The following IVD variants were observed in gnomAD, a reference collection of about 807,000 sequenced individuals.
IVD encodes isovaleryl-CoA dehydrogenase, mitochondrial.
Under a neutral mutation model 51.3 loss-of-function variants are expected in IVD, and 31 were observed. The observed-to-expected ratio is 0.60, with a 90% CI of 0.45 to 0.81. IVD has a LOEUF of 0.81. Ranked by LOEUF, IVD falls within the 40% of genes least tolerant of loss-of-function variation. The pLI, the probability that IVD is intolerant of heterozygous loss-of-function variation, is 0.00. For missense variants in IVD, 475 were observed against 552.0 expected, an observed-to-expected ratio of 0.86 and a Z score of 1.40; for synonymous variants, 205 against 219.4, an observed-to-expected ratio of 0.93 and a Z score of 0.58.
chr15:40,410,873 G>A (rs1317520576), intron 4 of IVD, 76 bp downstream of exon 4: 5 of 1,541,474 alleles, frequency 3.2e-6, no homozygotes, highest in Non-Finnish European at 4.4e-6. Flanking sequence ...TCCCCTTGGG[G>A]GCCAGTCAGA....
downstream of IVD, among the ~76,000 whole-genome samples, chr15:40,421,778 G>A (rs1270925021): frequency 1.3e-5 from 2 of 152,214 alleles, no homozygotes; most frequent in Non-Finnish European, 2.9e-5. Flanking sequence ...TCAAGTCTGA[G>A]ATCCTTGATC....
At chr15:40,406,788 G>A (rs369590950) in intron 1 of IVD, among the ~76,000 whole-genome samples, 3 of 152,238 alleles carry the variant, frequency 2.0e-5, no homozygotes, top group South Asian at 2.1e-4. Context: ...CAGAGCTTCC[G>A]TGAACCACCT....
At chr15:40,429,252 C>T (rs1892838452), downstream of IVD, among the ~76,000 whole-genome samples, 1 of 152,168 alleles carries the variant, frequency 6.6e-6, no homozygotes, top group Admixed American at 6.5e-5. Flanking sequence ...CCCCAGCTGG[C>T]ACACCCCAGG....
Position 40,407,700 on chromosome 15 carries a change from G to A in IVD, c.209G>A (p.Arg70His), listed in dbSNP as rs529886241. 17 of 1,614,170 alleles carry A rather than the reference G, an allele frequency of 1.1e-5. No individual in the cohort carries two copies. Among genetic ancestry groups the A allele is most frequent in the South Asian group, 4.4e-5 (4 of 91,074 alleles). Reference protein sequence around the residue: ...HLAPKAQEIDRSNEFKNLREF... With the variant: ...HLAPKAQEIDHSNEFKNLREF... ...GCCCCCAAGGCCCAGGAGATCGATC[G>A]CAGCAATGAGTTCAAGAACCTGCGA... is the stretch of plus-strand genomic sequence containing the variant. Residue 70 changes from arginine to histidine, a missense_variant, in exon 2 of 12, where the codon CGC (arginine) becomes CAC (histidine). Physicochemically the swap from Arg to His is conservative, Grantham distance 29. Coordinates refer to ENST00000487418, the MANE Select transcript of IVD (RefSeq NM_002225.5).
intron 3 of IVD, 67 bp downstream of exon 3, chr15:40,408,057 A>AG: frequency 6.9e-7 from 1 of 1,445,532 alleles, no homozygotes; most frequent in Non-Finnish European, 9.7e-7. Context: ...TCCCAAAAGA[A>AG]GCAGGAAGGG....
intron 7 of IVD, among the ~76,000 whole-genome samples, chr15:40,430,065 C>T (rs532944971): frequency 4.3e-4 from 65 of 152,336 alleles, no homozygotes; most frequent in African/African-American, 1.5e-3. Context: ...GAGGCAGAGC[C>T]TGGCACGCAG....
chr15:40,408,190 G>A (rs995405254), intron 3 of IVD, among the ~76,000 whole-genome samples, 200 bp downstream of exon 3: 1 of 152,222 alleles, frequency 6.6e-6, no homozygotes, highest in Non-Finnish European at 1.5e-5. Context: ...ATGTAGAGAA[G>A]GCAGAGGGAT....
chr15:40,422,306 C>T (rs972449443), downstream of IVD, among the ~76,000 whole-genome samples: 28 of 151,570 alleles, frequency 1.8e-4, no homozygotes, highest in South Asian at 4.2e-4. Flanking sequence ...TTTTTTGAGA[C>T]GGAGTCTCGC....
At chr15:40,418,012 C>T in intron 11 of IVD, 118 bp from the exon 12 acceptor site, 3 of 1,449,036 alleles carry the variant, frequency 2.1e-6, no homozygotes, top group Non-Finnish European at 2.8e-6. Flanking sequence ...CTACCTTTTG[C>T]TGCTTTTCTT....
chr15:40,419,134 A>C lies in IVD; in HGVS notation c.*871A>C. ...CTGGGCGACAAGAGCAAAACTCTTC[A>C]AAAAACAAAACAAAACAAAAAAACC... On this transcript the variant is annotated 3_prime_UTR_variant, in exon 12 of 12. Coordinates refer to ENST00000487418, the MANE Select transcript of IVD (RefSeq NM_002225.5). The C allele has an allele frequency of 3.9e-6, 5 of 1,288,778 alleles. No homozygotes were observed. The highest frequency in any genetic ancestry group is 5.1e-6 in the Non-Finnish European group (5 of 988,596). 79.8% of individuals were successfully genotyped at this position (1,288,778 alleles called of 1,614,324 possible).
At chr15:40,424,030 C>G, downstream of IVD, 3 of 565,010 alleles carry the variant, frequency 5.3e-6, no homozygotes, top group Non-Finnish European at 7.9e-6. Context: ...CAGAATTTGG[C>G]CTCTTTCCCT....
chr15:40,420,553 T>C lies in IVD; in HGVS notation c.*2290T>C. Reference sequence around the variant, plus strand: ...GTCCTATTCCTGTCCTCCAGCCCGTTCTTTCATGAGGGACAGGAAGGTAAA... The same window carrying C: ...GTCCTATTCCTGTCCTCCAGCCCGTCCTTTCATGAGGGACAGGAAGGTAAA... On this transcript the variant is annotated 3_prime_UTR_variant, in exon 12 of 12. Transcript: ENST00000487418. The C allele has an allele frequency of 1.0e-6, 1 of 987,578 alleles. No homozygotes were observed. The highest frequency in any genetic ancestry group is 1.2e-6 in the Non-Finnish European group (1 of 830,090). 61.2% of individuals were successfully genotyped at this position (987,578 alleles called of 1,614,324 possible). A position where few individuals can be genotyped will look rare whatever the true frequency, so the allele number is the denominator to read the frequency against.
intron 1 of IVD, chr15:40,406,258 G>C (rs1463524712): frequency 6.8e-7 from 1 of 1,468,840 alleles, no homozygotes; most frequent in Non-Finnish European, 9.0e-7. Flanking sequence ...GAGACTGATG[G>C]TGTTTTGGTG....
chr15:40,408,748 C>T (rs1468277060), intron 3 of IVD, among the ~76,000 whole-genome samples: 3 of 152,078 alleles, frequency 2.0e-5, no homozygotes, highest in African/African-American at 4.8e-5. Flanking sequence ...GTCGTGAGTT[C>T]GAGACCAGCC....
Position 40,418,522 on chromosome 15 carries a change from C to G in IVD, c.*259C>G. 7.7e-7 allele frequency: 1 copy of G among 1,298,852 alleles called. No homozygotes were observed. Among genetic ancestry groups the G allele is most frequent in the African/African-American group, 1.5e-5 (1 of 66,226 alleles). 80.5% of individuals were successfully genotyped at this position (1,298,852 alleles called of 1,614,324 possible). ...GCATATTGTCTGGGGATTGTTGGGA[C>G]AGGTTTTGGTGACTCTGTGCCCTTG... On this transcript the variant is annotated 3_prime_UTR_variant, in exon 12 of 12. Transcript: ENST00000487418.
At position 40,416,074 on chromosome 15, in the gene IVD, C is replaced by T; in HGVS notation, c.961-4C>T. 6.2e-7 allele frequency: 1 copy of T among 1,614,060 alleles called. No individual in the cohort carries two copies. The highest frequency in any genetic ancestry group is 1.6e-4 in the Middle Eastern group (1 of 6,062). ...GTTGACCTGTGACATCCCTTTGTGC[C>T]CAGTTGATGCAGGGGAAGATGGCTG... On this transcript the variant is annotated splice_polypyrimidine_tract_variant and splice_region_variant and intron_variant, in intron 9 of 11. Coordinates refer to ENST00000487418, the MANE Select transcript of IVD (RefSeq NM_002225.5).
chr15:40,434,892 C>T (rs1893182337), intron 8 of IVD, among the ~76,000 whole-genome samples: 1 of 152,212 alleles, frequency 6.6e-6, no homozygotes, highest in Non-Finnish European at 1.5e-5. Flanking sequence ...ACTATTGAAC[C>T]TGGCCATCCC....
downstream of IVD, among the ~76,000 whole-genome samples, chr15:40,428,494 A>T (rs1892794157): frequency 6.6e-6 from 1 of 152,010 alleles, no homozygotes; most frequent in Admixed American, 6.6e-5. Flanking sequence ...CTCCCTCCCT[A>T]GGAGGCTGCT....
chr15:40,409,997 C>T (rs34321039), intron 3 of IVD, among the ~76,000 whole-genome samples: 9,008 of 152,076 alleles, frequency 0.059, 435 homozygotes, highest in South Asian at 0.25. Flanking sequence ...CCACCATGCC[C>T]GGCTAATTTT....
Sources: gnomAD v4.1 joint callset for allele counts (sites outside exome capture counted in the v4.1 genomes callset) on GRCh38, gnomAD v4.1.1 for gene constraint, MANE v1.5 for transcripts, NCBI Gene and HGNC (gene_info 2026-07-23, HGNC 2026-07-21) for gene names.